The following SWAP70 variants were observed in gnomAD, a reference collection of about 807,000 sequenced individuals.
SWAP70 encodes switch-associated protein 70.
SWAP70 carries 34 observed loss-of-function variants against 80.2 expected under a neutral mutation model. That is an observed-to-expected ratio of 0.42 (90% CI 0.32 to 0.56). The LOEUF (loss-of-function observed/expected upper bound fraction) is 0.56. SWAP70 is among the 20% of genes least tolerant of loss of function. The pLI is 0.09. For missense variants in SWAP70, 578 were observed against 690.7 expected (o/e 0.84, Z 1.83); for synonymous variants, 239 against 238.5 (o/e 1.00, Z -0.02).
chr11:9,732,486 A>G lies in SWAP70; in HGVS notation c.899-43A>G, dbSNP rs765309265. 8 of 1,551,094 alleles carry G rather than the reference A, an allele frequency of 5.2e-6. No homozygotes were observed. The Admixed American group carries it at 7.6e-5, about 15-fold the overall frequency. On this transcript the variant is annotated intron_variant, in intron 6 of 11. Transcript: ENST00000318950. Reference sequence around the variant, plus strand: ...TGCATAGTAGGCTTACAAAGAATAAATAATATCTCCCCATTTTTTTTTTCC... The same window carrying G: ...TGCATAGTAGGCTTACAAAGAATAAGTAATATCTCCCCATTTTTTTTTTCC...
At chr11:9,684,782 C>G (rs566208651) in intron 1 of SWAP70, among the ~76,000 whole-genome samples, 1 of 151,872 alleles carries the variant, frequency 6.6e-6, no homozygotes, top group African/African-American at 2.4e-5. Context: ...GGTAAAGTAG[C>G]AAAATGAAAT....
chr11:9,737,647 C>T (rs1851380540), intron 7 of SWAP70, among the ~76,000 whole-genome samples: 1 of 152,188 alleles, frequency 6.6e-6, no homozygotes, highest in African/African-American at 2.4e-5. Context: ...CCTGTAATCC[C>T]AGCACTTCGG....
chr11:9,712,368 C>T (rs1851008945), intron 2 of SWAP70, among the ~76,000 whole-genome samples: 1 of 152,064 alleles, frequency 6.6e-6, no homozygotes, highest in South Asian at 2.1e-4. Flanking sequence ...CCCTAATAAA[C>T]TGTGAACATT....
At chr11:9,716,142 A>C (rs1166516255) in intron 3 of SWAP70, among the ~76,000 whole-genome samples, 1 of 152,194 alleles carries the variant, frequency 6.6e-6, no homozygotes, top group Non-Finnish European at 1.5e-5. Context: ...ATGAAGCTGG[A>C]GAGTTTTGAC....
At chr11:9,707,552 C>CTTTTTTTT (rs200003596) in intron 2 of SWAP70, among the ~76,000 whole-genome samples, 1 of 132,280 alleles carries the variant, frequency 7.6e-6, no homozygotes, top group Non-Finnish European at 1.6e-5. Context: ...TTTTCTTTTT[C>CTTTTTTTT]TTTTCTTTTT....
Position 9,698,100 on chromosome 11 carries a change from G to GT in SWAP70, c.240+3832dup, listed in dbSNP as rs1255294896. On this transcript the variant is annotated intron_variant, in intron 2 of 11. Coordinates refer to ENST00000318950, the MANE Select transcript of SWAP70 (RefSeq NM_015055.4). ...CATGCCTGGCCAATACATGTTTTTT[G>GT]TTTTTTTTTTTTTTTTTTGAGACCA... 2.5e-3 allele frequency among the ~76,000 whole-genome samples: 293 copies of GT among 116,298 alleles called. 3 individuals are homozygous for GT. Among genetic ancestry groups the GT allele is most frequent in the African/African-American group, 5.9e-3 (139 of 23,518 alleles). 76.3% of individuals were successfully genotyped at this position (116,298 alleles called of 152,430 possible).
rs555327465 is a variant in SWAP70, at chr11:9,667,249, TGA to T, written c.99+2994_99+2995del. On this transcript the variant is annotated intron_variant, in intron 1 of 11. Coordinates refer to ENST00000318950, the MANE Select transcript of SWAP70 (RefSeq NM_015055.4). ...TCACACTTCTGTGTGTGTGTGTGTG[TGA>T]GAGAGAGAGAGAGAGAGAGAGACAG... Among the ~76,000 whole-genome samples, 512 of 151,448 alleles carry T rather than the reference TGA, an allele frequency of 3.4e-3. 1 individual carries two copies. The highest frequency in any genetic ancestry group is 0.011 in the South Asian group (53 of 4,806).
rs929136424 is a variant in SWAP70 at position 9,751,554 on chromosome 11, A to G, written c.*1584A>G. ...AATAAAGTCCTTTTCTCTTACAGGT[A>G]TTAAATGAGGACAGAGAACCTCAGG... On this transcript the variant is annotated 3_prime_UTR_variant, in exon 12 of 12. Transcript: ENST00000318950. 2.0e-5 allele frequency: 3 copies of G among 152,250 alleles called. No homozygotes were observed. The highest frequency in any genetic ancestry group is 7.2e-5 in the African/African-American group (3 of 41,472). The allele number at this position is 152,250 out of a possible 1,614,324, so 9.4% of individuals were successfully genotyped here. A position where few individuals can be genotyped will look rare whatever the true frequency, so the allele number is the denominator to read the frequency against.
At chr11:9,675,342 G>GAGA (rs1565111624) in intron 1 of SWAP70, among the ~76,000 whole-genome samples, 36 of 11,898 alleles carry the variant, frequency 3.0e-3, no homozygotes, top group South Asian at 6.7e-3. Context: ...AGAGAGAGAG[G>GAGA]GAGCGAGAGA....
intron 1 of SWAP70, among the ~76,000 whole-genome samples, chr11:9,677,216 G>A (rs575120810): frequency 2.4e-4 from 37 of 152,122 alleles, no homozygotes; most frequent in Admixed American, 9.2e-4. Flanking sequence ...TGAAGTAGAA[G>A]CAATAATTAT....
At chr11:9,745,013 C>G (rs1395833219) in intron 9 of SWAP70, among the ~76,000 whole-genome samples, 2 of 152,186 alleles carry the variant, frequency 1.3e-5, no homozygotes, top group Non-Finnish European at 2.9e-5. Flanking sequence ...ACACCTTAGT[C>G]GTGTCTGTAT....
intron 1 of SWAP70, among the ~76,000 whole-genome samples, chr11:9,676,636 A>C (rs1850503982): frequency 6.6e-6 from 1 of 151,588 alleles, no homozygotes. Flanking sequence ...GCCCATGTTA[A>C]GTATAGATGC....
intron 2 of SWAP70, among the ~76,000 whole-genome samples, chr11:9,707,552 C>CT (rs200003596): frequency 0.026 from 3,474 of 132,260 alleles, 161 homozygotes; most frequent in African/African-American, 0.091. Flanking sequence ...TTTTCTTTTT[C>CT]TTTTCTTTTT....
chr11:9,672,193 G>GTATATGTATATA (rs1427255406), intron 1 of SWAP70, among the ~76,000 whole-genome samples: 1 of 18,894 alleles, frequency 5.3e-5, no homozygotes, highest in Non-Finnish European at 1.2e-4. Flanking sequence ...ATATGTGTGT[G>GTATATGTATATA]TCTATATATA....
chr11:9,682,751 A>G (rs1850583423), intron 1 of SWAP70, among the ~76,000 whole-genome samples: 1 of 152,108 alleles, frequency 6.6e-6, no homozygotes, highest in African/African-American at 2.4e-5. Context: ...ATCTGTGCGC[A>G]CTGCAACCTC....
rs537095039 is a variant in SWAP70, at chr11:9,671,121, AT to A, written c.99+6844del. The stretch of plus-strand genomic sequence containing the variant: ...TAAATATATAAATATAAAAATATAT[AT>A]AAATATATTTATAAATATAAATATA... On this transcript the variant is annotated intron_variant, in intron 1 of 11. Transcript: ENST00000318950. Among the ~76,000 whole-genome samples the A allele has an allele frequency of 3.2e-3, 428 of 134,996 alleles. 6 individuals are homozygous for A. The highest frequency in any genetic ancestry group is 0.011 in the African/African-American group (395 of 34,432). The allele number at this position is 134,996 out of a possible 152,430, so 88.6% of individuals were successfully genotyped here. A position where few individuals can be genotyped will look rare whatever the true frequency, so the allele number is the denominator to read the frequency against.
At chr11:9,726,442 A>C (rs1851226440) in intron 4 of SWAP70, among the ~76,000 whole-genome samples, 1 of 151,958 alleles carries the variant, frequency 6.6e-6, no homozygotes, top group Non-Finnish European at 1.5e-5. Flanking sequence ...TTGAGGCTGA[A>C]TTTGTATAGG....
intron 3 of SWAP70, among the ~76,000 whole-genome samples, chr11:9,723,185 C>T (rs1851162119): frequency 6.6e-6 from 1 of 152,144 alleles, no homozygotes; most frequent in African/African-American, 2.4e-5. Context: ...CCTGGAGGTA[C>T]AGATACCAAC....
rs973871875 is a variant in SWAP70 at position 9,729,351 on chromosome 11, T to C, written c.798T>C (p.Pro266=). ...TTTGCTTTCTGTTTTAGTCCTTGCC[T>C]GACAAAGATGGAAAGAAATGCCTTT... The part of the protein sequence containing the change: ...LDENCCVESL[P]DKDGKKCLFL... The change falls in exon 6 of 12, where the codon CCT becomes CCC. Residue 266 remains proline, a synonymous_variant. Coordinates refer to ENST00000318950, the MANE Select transcript of SWAP70 (RefSeq NM_015055.4). The C allele has an allele frequency of 6.2e-7, 1 of 1,612,126 alleles. No individual in the cohort carries two copies. Among genetic ancestry groups the C allele is most frequent in the Non-Finnish European group, 8.5e-7 (1 of 1,178,940 alleles).
Sources: allele counts gnomAD v4.1 joint callset (sites outside exome capture counted in the v4.1 genomes callset), GRCh38; gene constraint gnomAD v4.1.1; transcripts MANE v1.5; gene names NCBI Gene and HGNC (gene_info 2026-07-23, HGNC 2026-07-21).